Variants in SNX16 observed in about 807,000 individuals in gnomAD.
SNX16 encodes the protein sorting nexin 16.
SNX16 carries 35 observed loss-of-function variants against 36.7 expected under a neutral mutation model. The observed-to-expected ratio is 0.95, with a 90% CI of 0.73 to 1.27. The LOEUF (loss-of-function observed/expected upper bound fraction) is 1.27. SNX16 is among the 50% of genes most tolerant of loss of function. The pLI, the probability that SNX16 is intolerant of heterozygous loss-of-function variation, is 0.00. For synonymous variants in SNX16, 134 were observed against 132.0 expected (o/e 1.02, Z -0.10); for missense variants, 367 against 393.6 (o/e 0.93, Z 0.57).
chr8:81,838,990 T>G (rs1384587765), intron 2 of SNX16, among the ~76,000 whole-genome samples: 3 of 152,066 alleles, frequency 2.0e-5, no homozygotes, highest in African/African-American at 7.2e-5. Flanking sequence ...CCCAAAAAAA[T>G]TTTAAATTCA....
chr8:81,838,412 T>C (rs1586026309), intron 2 of SNX16, among the ~76,000 whole-genome samples: 2 of 152,152 alleles, frequency 1.3e-5, no homozygotes, highest in Non-Finnish European at 2.9e-5. Flanking sequence ...TATAAGACTT[T>C]ATTAATTAAG....
chr8:81,805,406 TAAA>T (rs1029970488), intron 5 of SNX16, among the ~76,000 whole-genome samples: 1 of 151,946 alleles, frequency 6.6e-6, no homozygotes, highest in Admixed American at 6.5e-5. Flanking sequence ...AGCATCCAAT[TAAA>T]GAAGTCAAAG....
intron 2 of SNX16, 39 bp downstream of exon 2, chr8:81,839,573 T>C: frequency 6.5e-7 from 1 of 1,534,160 alleles, no homozygotes; most frequent in Non-Finnish European, 8.8e-7. Context: ...TAGCCAATCT[T>C]TCACTTTGTA....
intron 2 of SNX16, among the ~76,000 whole-genome samples, chr8:81,837,307 C>CT (rs1811533738): frequency 6.6e-6 from 1 of 152,152 alleles, no homozygotes; most frequent in Non-Finnish European, 1.5e-5. Context: ...AATTTCATAT[C>CT]TGTCATTTAC....
At chr8:81,809,159 G>C (rs537587838) in intron 5 of SNX16, among the ~76,000 whole-genome samples, 1 of 151,992 alleles carries the variant, frequency 6.6e-6, no homozygotes, top group Non-Finnish European at 1.5e-5. Flanking sequence ...GTGATGCCAG[G>C]TACTATTTGG....
In SNX16 at chr8:81,801,435, T is replaced by C; in HGVS notation, c.*62A>G. The C allele has an allele frequency of 2.2e-6, 2 of 895,700 alleles. No homozygotes were observed. Among genetic ancestry groups the C allele is most frequent in the Non-Finnish European group, 1.7e-6 (1 of 588,822 alleles). 55.5% of individuals were successfully genotyped at this position (895,700 alleles called of 1,614,324 possible). ...ACAGTTCTTGGTTCTTCTTTTAAAA[T>C]AGTATTTGCCACTCTTCTAAATTTT... On this transcript the variant is annotated 3_prime_UTR_variant, in exon 8 of 8. Transcript: ENST00000345957.
intron 4 of SNX16, among the ~76,000 whole-genome samples, chr8:81,823,252 A>G (rs1297117037): frequency 6.6e-6 from 1 of 151,660 alleles, no homozygotes; most frequent in African/African-American, 2.4e-5. Flanking sequence ...TACTCAGCTG[A>G]TATTGAACCA....
Position 81,829,527 on chromosome 8 carries a change from G to A in SNX16, c.376-11C>T, listed in dbSNP as rs2130735943. On this transcript the variant is annotated splice_polypyrimidine_tract_variant and intron_variant, in intron 2 of 7. Coordinates refer to ENST00000345957, the MANE Select transcript of SNX16 (RefSeq NM_152836.3). Reference sequence around the variant, plus strand: ...TAGTATTTTATATACCTATGCACAGGAAGAAAAACAGACGGAGAGAAAAAT... The same window carrying A: ...TAGTATTTTATATACCTATGCACAGAAAGAAAAACAGACGGAGAGAAAAAT... 2 of 1,193,240 alleles carry A rather than the reference G, an allele frequency of 1.7e-6. No homozygotes were observed. The highest frequency in any genetic ancestry group is 2.0e-5 in the South Asian group (1 of 48,914). 73.9% of individuals were successfully genotyped at this position (1,193,240 alleles called of 1,614,324 possible).
At chr8:81,822,240 G>A (rs548403357) in intron 4 of SNX16, among the ~76,000 whole-genome samples, 2 of 152,124 alleles carry the variant, frequency 1.3e-5, no homozygotes, top group Non-Finnish European at 2.9e-5. Flanking sequence ...ACTGAAGGAT[G>A]GGTAAGGTAC....
At chr8:81,815,894 G>A (rs373061413) in intron 4 of SNX16, among the ~76,000 whole-genome samples, 1 of 152,024 alleles carries the variant, frequency 6.6e-6, no homozygotes, top group African/African-American at 2.4e-5. Flanking sequence ...TAGATAGTTC[G>A]AGAGAAAAAA....
intron 5 of SNX16, among the ~76,000 whole-genome samples, chr8:81,810,160 T>A (rs1252200322): frequency 6.6e-6 from 1 of 152,136 alleles, no homozygotes; most frequent in African/African-American, 2.4e-5. Context: ...TATTCATTAA[T>A]GTTAATACAG....
intron 3 of SNX16, among the ~76,000 whole-genome samples, chr8:81,826,672 T>C (rs945155772): frequency 1.3e-5 from 2 of 152,248 alleles, no homozygotes; most frequent in African/African-American, 4.8e-5. Flanking sequence ...CCCAGAGAAG[T>C]TGAAGTCAGA....
intron 6 of SNX16, 36 bp from the exon 7 acceptor site, chr8:81,802,535 G>A: frequency 6.4e-7 from 1 of 1,569,332 alleles, no homozygotes; most frequent in Non-Finnish European, 8.7e-7. Flanking sequence ...TATTTTCTAT[G>A]AACAAAACAG....
chr8:81,822,964 A>ATATATATATATATATATATGTATATG (rs1554546264), intron 4 of SNX16, among the ~76,000 whole-genome samples: 14 of 127,244 alleles, frequency 1.1e-4, no homozygotes, highest in African/African-American at 4.0e-4. Context: ...ATATATATAT[A>ATATATATATATATATATATGTATATG]TATATATATA....
chr8:81,824,482 T>C (rs951343612), intron 3 of SNX16, among the ~76,000 whole-genome samples: 2 of 152,170 alleles, frequency 1.3e-5, no homozygotes, highest in Non-Finnish European at 2.9e-5. Flanking sequence ...AATTTTAATG[T>C]TATTTAATTC....
At chr8:81,807,595 T>C (rs1338360840) in intron 5 of SNX16, among the ~76,000 whole-genome samples, 3 of 143,316 alleles carry the variant, frequency 2.1e-5, no homozygotes, top group South Asian at 2.3e-4. Context: ...CTATTTAGCA[T>C]AGAAGAATTA....
chr8:81,804,881 A>T (rs545589203), intron 5 of SNX16, among the ~76,000 whole-genome samples: 1 of 152,274 alleles, frequency 6.6e-6, no homozygotes, highest in African/African-American at 2.4e-5. Context: ...TTCACCAGGA[A>T]TATTTTAAAT....
At position 81,829,455 on chromosome 8, in the gene SNX16, G is replaced by C. The variant is rs145929384; in HGVS notation, c.437C>G (p.Thr146Ser). The C allele has an allele frequency of 1.4e-5, 20 of 1,426,930 alleles. No individual in the cohort carries two copies. In the Admixed American group the frequency reaches 5.7e-4, roughly 41 times the overall value. 88.4% of individuals were successfully genotyped at this position (1,426,930 alleles called of 1,614,324 possible). A position where few individuals can be genotyped will look rare whatever the true frequency, so the allele number is the denominator to read the frequency against. Residue 146 changes from threonine (T) to serine (S), a missense_variant, in exon 3 of 8, where the codon ACT becomes AGT. Thr to Ser is a moderately conservative substitution (Grantham distance 58). Transcript: ENST00000345957. ...TTTGTCATTAAGCCTAGAGAAGTCA[G>C]TGTATCTTCTGAAAACTACCCAGCT... ...EESWVVFRRY[T>S]DFSRLNDKLK...
intron 5 of SNX16, among the ~76,000 whole-genome samples, chr8:81,809,899 A>G (rs799332): frequency 0.25 from 37,712 of 152,020 alleles, 5,224 homozygotes; most frequent in East Asian, 0.37. Context: ...CCTTAGGAAA[A>G]ATGTATATAG....
Sources: gnomAD v4.1 joint callset for allele counts (sites outside exome capture counted in the v4.1 genomes callset) on GRCh38, gnomAD v4.1.1 for gene constraint, MANE v1.5 for transcripts, NCBI Gene and HGNC (gene_info 2026-07-23, HGNC 2026-07-21) for gene names.